The following MYRIP variants were observed in gnomAD, a reference collection of about 807,000 sequenced individuals.
MYRIP encodes the protein rab effector MyRIP.
A neutral mutation model predicts 98.0 loss-of-function variants in MYRIP; 49 were observed. The ratio of observed to expected loss-of-function variants is 0.50; its 90% CI spans 0.40 to 0.63. The LOEUF is 0.63. Ranked by LOEUF, MYRIP falls within the 30% of genes least tolerant of loss-of-function variation. The probability of loss-of-function intolerance (pLI) is 0.00; values close to 1 mark genes in which losing one functional copy is unlikely to be tolerated. For missense variants in MYRIP, 1,004 were observed against 1,058.2 expected, an observed-to-expected ratio of 0.95 and a Z score of 0.71; for synonymous variants, 404 against 409.5, an observed-to-expected ratio of 0.99 and a Z score of 0.16.
At chr3:39,839,758 T>A (rs1276694458) in intron 1 of MYRIP, among the ~76,000 whole-genome samples, 2 of 152,198 alleles carry the variant, frequency 1.3e-5, no homozygotes, top group Admixed American at 1.3e-4. Flanking sequence ...TCAGTTTCCA[T>A]GTAGTTGTGT....
intron 11 of MYRIP, among the ~76,000 whole-genome samples, chr3:40,218,831 T>C (rs1273609272): frequency 6.6e-6 from 1 of 151,688 alleles, no homozygotes; most frequent in Non-Finnish European, 1.5e-5. Flanking sequence ...TTCCCCAAAT[T>C]AATACATATA....
At chr3:40,218,625 TA>T (rs1477173439) in intron 11 of MYRIP, among the ~76,000 whole-genome samples, 996 of 17,044 alleles carry the variant, frequency 0.058, 52 homozygotes, top group African/African-American at 0.093. Context: ...TATATATATA[TA>T]TATATATATA....
chr3:39,870,748 C>T (rs1942764484), intron 1 of MYRIP, among the ~76,000 whole-genome samples: 1 of 152,084 alleles, frequency 6.6e-6, no homozygotes, highest in South Asian at 2.1e-4. Flanking sequence ...CCAATGAAAA[C>T]ATTAAATACA....
chr3:40,121,382 C>T (rs140973464), intron 3 of MYRIP, among the ~76,000 whole-genome samples: 114 of 152,304 alleles, frequency 7.5e-4, no homozygotes, highest in African/African-American at 2.7e-3. Context: ...TTTCCCACCC[C>T]TTTCTGGCAA....
At chr3:40,241,212 T>C (rs1379998851) in intron 12 of MYRIP, among the ~76,000 whole-genome samples, 1 of 152,178 alleles carries the variant, frequency 6.6e-6, no homozygotes, top group Admixed American at 6.5e-5. Context: ...ACTTCCCTTT[T>C]AGCTCCACCC....
At chr3:39,810,968 G>T (rs901623623) in intron 1 of MYRIP, among the ~76,000 whole-genome samples, 2 of 152,150 alleles carry the variant, frequency 1.3e-5, no homozygotes, top group African/African-American at 4.8e-5. Flanking sequence ...TCGATTTGTT[G>T]ATTTTCTTGA....
intron 8 of MYRIP, among the ~76,000 whole-genome samples, chr3:40,179,459 A>G (rs539299734): frequency 5.9e-5 from 9 of 152,336 alleles, no homozygotes; most frequent in African/African-American, 2.2e-4. Flanking sequence ...CCCATAAAAA[A>G]GGACCCCAGC....
intron 3 of MYRIP, among the ~76,000 whole-genome samples, chr3:40,090,018 T>C (rs1201641595): frequency 6.6e-6 from 1 of 151,624 alleles, no homozygotes; most frequent in Non-Finnish European, 1.5e-5. Context: ...GGAAAGTCTC[T>C]CTTATGAGTT....
chr3:39,889,377 T>C (rs1327658444), intron 1 of MYRIP, among the ~76,000 whole-genome samples: 5 of 152,084 alleles, frequency 3.3e-5, no homozygotes, highest in African/African-American at 1.2e-4. Flanking sequence ...ATGTCCTTTA[T>C]AGGGACATGG....
intron 1 of MYRIP, among the ~76,000 whole-genome samples, chr3:39,856,089 T>G (rs1242144517): frequency 6.6e-6 from 1 of 152,202 alleles, no homozygotes; most frequent in East Asian, 1.9e-4. Context: ...CCTTCTTTCA[T>G]GATTTGGATT....
intron 10 of MYRIP, among the ~76,000 whole-genome samples, chr3:40,203,681 TTATA>T (rs1477473815): frequency 2.3e-5 from 3 of 132,388 alleles, no homozygotes; most frequent in Non-Finnish European, 4.7e-5. Context: ...TTTTATATTT[TTATA>T]TATATTTATA....
chr3:40,110,926 G>A (rs955680641), intron 3 of MYRIP, among the ~76,000 whole-genome samples: 2 of 127,172 alleles, frequency 1.6e-5, no homozygotes, highest in East Asian at 4.8e-4. Flanking sequence ...GTGTGTGTGT[G>A]TAGCGTACTC....
At chr3:40,093,846 C>T (rs1031737468) in intron 3 of MYRIP, among the ~76,000 whole-genome samples, 5 of 152,206 alleles carry the variant, frequency 3.3e-5, no homozygotes, top group African/African-American at 1.2e-4. Context: ...TCTATGCTTT[C>T]CTCTGCTCTT....
At chr3:40,005,017 A>T (rs1005671530) in intron 2 of MYRIP, among the ~76,000 whole-genome samples, 1 of 152,136 alleles carries the variant, frequency 6.6e-6, no homozygotes, top group African/African-American at 2.4e-5. Context: ...TACTAGTGAC[A>T]ACATGCCATA....
intron 2 of MYRIP, among the ~76,000 whole-genome samples, chr3:39,961,877 A>G (rs552782117): frequency 6.4e-4 from 98 of 152,268 alleles, no homozygotes; most frequent in African/African-American, 2.3e-3. Context: ...AGGGAATTAA[A>G]TGCAAGCATT....
intron 1 of MYRIP, among the ~76,000 whole-genome samples, chr3:39,830,599 A>C (rs552316945): frequency 1.3e-5 from 2 of 152,200 alleles, no homozygotes; most frequent in African/African-American, 4.8e-5. Flanking sequence ...TTGTTCTGTG[A>C]CCAATATGAA....
At chr3:40,162,914 T>A (rs747517681) in intron 5 of MYRIP, 104 bp downstream of exon 5, 1 of 991,284 alleles carries the variant, frequency 1.0e-6, no homozygotes, top group Admixed American at 1.8e-5. Context: ...TTACCCCAGA[T>A]GCAACTATCT....
intron 3 of MYRIP, among the ~76,000 whole-genome samples, chr3:40,060,216 CTG>C (rs569158616): frequency 4.7e-4 from 71 of 152,292 alleles, no homozygotes; most frequent in Non-Finnish European, 7.4e-4. Flanking sequence ...TTGGGAAACT[CTG>C]TGCTCTGATC....
chr3:40,182,501 C>T, intron 9 of MYRIP, 128 bp downstream of exon 9: 1 of 1,094,664 alleles, frequency 9.1e-7, no homozygotes, highest in Non-Finnish European at 1.3e-6. Flanking sequence ...TCCCTCTGGG[C>T]TACCAAGTCA....
Sources: allele counts gnomAD v4.1 joint callset (sites outside exome capture counted in the v4.1 genomes callset), GRCh38; gene constraint gnomAD v4.1.1; transcripts MANE v1.5; gene names NCBI Gene and HGNC (gene_info 2026-07-23, HGNC 2026-07-21).